The following PTPRD variants were observed in gnomAD, a reference collection of about 807,000 sequenced individuals.
PTPRD encodes receptor-type tyrosine-protein phosphatase delta.
A neutral mutation model predicts 214.5 loss-of-function variants in PTPRD; 34 were observed. That is an observed-to-expected ratio of 0.16 (90% CI 0.12 to 0.21). The LOEUF (loss-of-function observed/expected upper bound fraction) is 0.21. Ranked by LOEUF, PTPRD falls within the 10% of genes least tolerant of loss-of-function variation. PTPRD has a pLI of 1.00. For missense variants in PTPRD, 2,545 were observed against 2,398.7 expected (o/e 1.06, Z -1.27); for synonymous variants, 1,128 against 845.7 (o/e 1.33, Z -5.79).
chr9:8,778,661 C>A (rs999788503), intron 11 of PTPRD, among the ~76,000 whole-genome samples: 2 of 152,102 alleles, frequency 1.3e-5, no homozygotes, highest in Non-Finnish European at 2.9e-5. Context: ...TTTACTTAAG[C>A]CCTTTTCTAC....
chr9:10,102,357 C>G (rs557807032), intron 3 of PTPRD, among the ~76,000 whole-genome samples: 3 of 151,290 alleles, frequency 2.0e-5, no homozygotes, highest in Non-Finnish European at 4.4e-5. Context: ...CAACTGTAAA[C>G]AAAAATCAGG....
chr9:10,349,775 A>G (rs1313702206), intron 2 of PTPRD, among the ~76,000 whole-genome samples: 1 of 152,186 alleles, frequency 6.6e-6, no homozygotes, highest in African/African-American at 2.4e-5. Flanking sequence ...TCCACATGAT[A>G]ATTCTAAGTA....
chr9:9,966,653 A>G (rs539431782), intron 4 of PTPRD, among the ~76,000 whole-genome samples: 1 of 152,286 alleles, frequency 6.6e-6, no homozygotes, highest in African/African-American at 2.4e-5. Flanking sequence ...GAAAAAAGTC[A>G]TGAATGGGGA....
chr9:10,174,250 G>C (rs1359951044), intron 3 of PTPRD, among the ~76,000 whole-genome samples: 3 of 152,126 alleles, frequency 2.0e-5, no homozygotes, highest in Admixed American at 1.3e-4. Flanking sequence ...GGTCCTGGGG[G>C]AGGATAACTC....
chr9:10,435,911 C>A (rs1416550476), intron 2 of PTPRD, among the ~76,000 whole-genome samples: 1 of 151,750 alleles, frequency 6.6e-6, no homozygotes, highest in Non-Finnish European at 1.5e-5. Flanking sequence ...CTTTGCTTTT[C>A]ATGTTTTCAG....
intron 37 of PTPRD, among the ~76,000 whole-genome samples, chr9:8,381,818 C>A (rs921754881): frequency 6.6e-6 from 1 of 152,172 alleles, no homozygotes; most frequent in African/African-American, 2.4e-5. Flanking sequence ...TAGGGAGCTG[C>A]CGTAAACTTT....
intron 10 of PTPRD, among the ~76,000 whole-genome samples, chr9:9,160,098 T>G (rs1216031373): frequency 1.3e-5 from 2 of 152,098 alleles, no homozygotes. Context: ...CTATAAATCT[T>G]AGAGAGGAAA....
chr9:10,511,152 G>A (rs2047884381), intron 2 of PTPRD, among the ~76,000 whole-genome samples: 1 of 152,050 alleles, frequency 6.6e-6, no homozygotes, highest in Non-Finnish European at 1.5e-5. Context: ...TATATCAGAG[G>A]TTATTTACTC....
chr9:9,655,817 A>C (rs2154376169), intron 7 of PTPRD, among the ~76,000 whole-genome samples: 1 of 151,234 alleles, frequency 6.6e-6, no homozygotes, highest in East Asian at 2.0e-4. Context: ...ATGTCTACTA[A>C]AAATGCAAAA....
intron 44 of PTPRD, among the ~76,000 whole-genome samples, chr9:8,321,513 AT>A (rs1827991103): frequency 1.5e-5 from 2 of 132,522 alleles, no homozygotes; most frequent in South Asian, 2.4e-4. Flanking sequence ...ATATATATAT[AT>A]ATATATATAT....
intron 10 of PTPRD, among the ~76,000 whole-genome samples, chr9:9,171,489 G>A (rs1431415478): frequency 1.3e-5 from 2 of 151,782 alleles, no homozygotes; most frequent in Non-Finnish European, 2.9e-5. Flanking sequence ...AATGCGGGAA[G>A]TGATTGAAGG....
chr9:9,011,969 T>A (rs545807453), intron 11 of PTPRD, among the ~76,000 whole-genome samples: 1 of 152,314 alleles, frequency 6.6e-6, no homozygotes, highest in East Asian at 1.9e-4. Context: ...AGGATTTTAC[T>A]CTCTTGATTA....
At chr9:8,493,120 G>T (rs985956216) in intron 26 of PTPRD, 141 bp from the exon 27 acceptor site, 53 of 662,530 alleles carry the variant, frequency 8.0e-5, no homozygotes, top group Non-Finnish European at 1.3e-4. Flanking sequence ...TCATGCCTGA[G>T]CTCATGCTAT....
chr9:9,077,378 A>AAAATCTTTCATAGATC (rs1554735602), intron 10 of PTPRD, among the ~76,000 whole-genome samples: 4 of 151,612 alleles, frequency 2.6e-5, no homozygotes, highest in Non-Finnish European at 5.9e-5. Context: ...CAGGTGACTG[A>AAAATCTTTCATAGATC]AAATGTTATT....
At chr9:8,481,404 T>A (rs974330526) in intron 30 of PTPRD, among the ~76,000 whole-genome samples, 4 of 152,180 alleles carry the variant, frequency 2.6e-5, no homozygotes, top group African/African-American at 9.7e-5. Context: ...GTGTATCAGG[T>A]CTGAATTTAT....
At chr9:9,315,815 T>C (rs1422321402) in intron 9 of PTPRD, among the ~76,000 whole-genome samples, 1 of 149,974 alleles carries the variant, frequency 6.7e-6, no homozygotes, top group African/African-American at 2.4e-5. Flanking sequence ...TAATTTTCTG[T>C]ATTATAGTAG....
intron 2 of PTPRD, among the ~76,000 whole-genome samples, chr9:10,588,268 T>G (rs989625367): frequency 2.6e-5 from 4 of 152,060 alleles, no homozygotes; most frequent in African/African-American, 9.6e-5. Flanking sequence ...TTGTGGTCTT[T>G]GTAAGGTAGT....
intron 4 of PTPRD, among the ~76,000 whole-genome samples, chr9:9,991,930 T>C (rs983803498): frequency 6.6e-6 from 1 of 150,884 alleles, no homozygotes; most frequent in Non-Finnish European, 1.5e-5. Flanking sequence ...AGAGTAATAA[T>C]CAGCAATAAA....
intron 7 of PTPRD, among the ~76,000 whole-genome samples, chr9:9,660,447 T>C (rs1011264478): frequency 6.6e-6 from 1 of 151,958 alleles, no homozygotes; most frequent in African/African-American, 2.4e-5. Flanking sequence ...ATGCTTTGAG[T>C]GATGGGATCT....
Sources: allele counts gnomAD v4.1 joint callset (sites outside exome capture counted in the v4.1 genomes callset), GRCh38; gene constraint gnomAD v4.1.1; transcripts MANE v1.5; gene names NCBI Gene and HGNC (gene_info 2026-07-23, HGNC 2026-07-21).